The following MTX2 variants were observed in gnomAD, a reference collection of about 807,000 sequenced individuals.
The protein encoded by MTX2 is metaxin-2.
In MTX2, 35 loss-of-function variants were observed where a neutral mutation model predicts 42.3. That is an observed-to-expected ratio of 0.83 (90% CI 0.63 to 1.10). The LOEUF is 1.10. Among genes scored for constraint, MTX2 ranks in the 50% least tolerant of loss-of-function variants. The pLI, the probability that MTX2 is intolerant of heterozygous loss-of-function variation, is 0.00. For synonymous variants in MTX2, 119 were observed against 100.9 expected (o/e 1.18, Z -1.08); for missense variants, 307 against 304.1 (o/e 1.01, Z -0.07).
chr2:176,282,878 AT>A (rs1693115306), intron 1 of MTX2, among the ~76,000 whole-genome samples: 2 of 151,696 alleles, frequency 1.3e-5, no homozygotes, highest in Non-Finnish European at 2.9e-5. Flanking sequence ...TAATTTTTGT[AT>A]TTTTGATAGA....
At chr2:176,326,782 T>C (rs770777267) in intron 4 of MTX2, 43 bp from the exon 5 acceptor site, 1 of 1,199,952 alleles carries the variant, frequency 8.3e-7, no homozygotes, top group Non-Finnish European at 1.2e-6. Flanking sequence ...AACTTTAACA[T>C]ACTGGAAGTA....
chr2:176,284,307 A>G (rs1033590370), intron 1 of MTX2, among the ~76,000 whole-genome samples: 2 of 152,156 alleles, frequency 1.3e-5, no homozygotes, highest in African/African-American at 4.8e-5. Flanking sequence ...CATGACACAT[A>G]CATACTTATT....
intron 1 of MTX2, among the ~76,000 whole-genome samples, chr2:176,284,209 A>AG (rs1398329411): frequency 6.6e-6 from 1 of 151,894 alleles, no homozygotes; most frequent in Non-Finnish European, 1.5e-5. Context: ...CCTCCCAAGT[A>AG]GCTGGGACTA....
intron 3 of MTX2, among the ~76,000 whole-genome samples, chr2:176,310,012 C>A (rs978249947): frequency 6.6e-6 from 1 of 152,146 alleles, no homozygotes; most frequent in African/African-American, 2.4e-5. Flanking sequence ...ATGGTCTTTA[C>A]AGTTTGGCCT....
chr2:176,276,083 GTTACT>G (rs1290068409), intron 1 of MTX2, among the ~76,000 whole-genome samples: 1 of 152,082 alleles, frequency 6.6e-6, no homozygotes, highest in Non-Finnish European at 1.5e-5. Flanking sequence ...ATAATAATGT[GTTACT>G]TTAAAGATAC....
intron 1 of MTX2, among the ~76,000 whole-genome samples, chr2:176,294,855 G>A (rs988678974): frequency 5.3e-5 from 8 of 152,004 alleles, no homozygotes; most frequent in Non-Finnish European, 1.2e-4. Flanking sequence ...GGGGAAAAAC[G>A]GCAATACTTT....
rs372718117 is a variant in MTX2, at chr2:176,335,914, G to C, written c.621-1579G>C. On this transcript the variant is annotated intron_variant, in intron 9 of 9. Transcript: ENST00000249442. ...GAGCTCAGGGGAGACATTAGGACCA[G>C]AGATAAATATTTAGGAGTCAGTGGC... 5.2e-4 allele frequency among the ~76,000 whole-genome samples: 79 copies of C among 152,220 alleles called. 3 individuals carry two copies. In the East Asian group the frequency reaches 9.7e-3, roughly 19 times the overall value.
intron 3 of MTX2, among the ~76,000 whole-genome samples, chr2:176,303,961 A>G (rs1376742102): frequency 6.6e-6 from 1 of 152,046 alleles, no homozygotes; most frequent in Non-Finnish European, 1.5e-5. Flanking sequence ...GCAGGATTTT[A>G]TAGTTTGTTG....
At chr2:176,286,500 GC>G (rs1280076830) in intron 1 of MTX2, among the ~76,000 whole-genome samples, 1 of 151,486 alleles carries the variant, frequency 6.6e-6, no homozygotes, top group Non-Finnish European at 1.5e-5. Flanking sequence ...AGACCCATCT[GC>G]CTTGGGTATT....
intron 3 of MTX2, among the ~76,000 whole-genome samples, chr2:176,322,929 T>TA (rs1684619012): frequency 6.6e-6 from 1 of 151,880 alleles, no homozygotes; most frequent in Non-Finnish European, 1.5e-5. Context: ...TATAGGGTAT[T>TA]ACTGGAGAGA....
In MTX2 at chr2:176,336,811, G is replaced by A. The variant is rs542413666; in HGVS notation, c.621-682G>A. Among the ~76,000 whole-genome samples, 8 of 152,074 alleles carry A rather than the reference G, an allele frequency of 5.3e-5. No individual in the cohort carries two copies. In the East Asian group the frequency reaches 7.7e-4, roughly 15 times the overall value. On this transcript the variant is annotated intron_variant, in intron 9 of 9. Coordinates refer to ENST00000249442, the MANE Select transcript of MTX2 (RefSeq NM_006554.5). ...AGTTGTGGTAGGATTTGTTTCTTAC[G>A]TGGCTTTTTTCTTTTAAGTTGATGA...
chr2:176,283,216 A>G (rs1382084472), intron 1 of MTX2, among the ~76,000 whole-genome samples: 4 of 152,086 alleles, frequency 2.6e-5, no homozygotes, highest in Middle Eastern at 6.3e-3. Flanking sequence ...TTAAATGGTT[A>G]TGTTTACCTT....
intron 3 of MTX2, among the ~76,000 whole-genome samples, chr2:176,306,583 C>G (rs966131566): frequency 1.9e-4 from 29 of 152,272 alleles, no homozygotes; most frequent in Admixed American, 1.9e-3. Flanking sequence ...TTTTTCCTGA[C>G]TTTTTAATGA....
intron 1 of MTX2, among the ~76,000 whole-genome samples, chr2:176,269,922 A>G (rs1397659301): frequency 6.6e-6 from 1 of 151,978 alleles, no homozygotes; most frequent in Non-Finnish European, 1.5e-5. Context: ...CCACCTCCCC[A>G]TTCAGTTGGG....
rs200408701 is a variant in MTX2 at position 176,329,382 on chromosome 2, C to A, written c.499C>A (p.Arg167Ser). 1 of 1,607,472 alleles carries A rather than the reference C, an allele frequency of 6.2e-7. No individual in the cohort carries two copies. ...CTATCAAAAACAGTGGGAAGTCAAA[C>A]GTAAGATGAAAGCTATTGGATGGGG... ...LAYQKQWEVK[R>S]KMKAIGWGKK... Residue 167 changes from arginine (R) to serine (S), a missense_variant, in exon 8 of 10, where the codon CGT (arginine) becomes AGT (serine). Coordinates refer to ENST00000249442, the MANE Select transcript of MTX2 (RefSeq NM_006554.5).
intron 3 of MTX2, among the ~76,000 whole-genome samples, chr2:176,315,366 C>T (rs1170167903): frequency 6.6e-6 from 1 of 152,108 alleles, no homozygotes; most frequent in Non-Finnish European, 1.5e-5. Flanking sequence ...TTTCCTATAT[C>T]CACATCGAGT....
chr2:176,280,075 A>C (rs1009426173), intron 1 of MTX2, among the ~76,000 whole-genome samples: 1 of 152,156 alleles, frequency 6.6e-6, no homozygotes. Context: ...TCTGTGAATA[A>C]TGTAGCAACT....
At chr2:176,319,507 T>C (rs540683929) in intron 3 of MTX2, among the ~76,000 whole-genome samples, 1 of 149,362 alleles carries the variant, frequency 6.7e-6, no homozygotes, top group African/African-American at 2.4e-5. Flanking sequence ...TATCCTACCA[T>C]AGCTTCCTCG....
chr2:176,330,756 A>G (rs1481360416), intron 9 of MTX2, 96 bp downstream of exon 9: 9 of 829,922 alleles, frequency 1.1e-5, no homozygotes, highest in Non-Finnish European at 1.7e-5. Flanking sequence ...GAAAATATTT[A>G]GCTATTTTTA....
Sources: gnomAD v4.1 joint callset for allele counts (sites outside exome capture counted in the v4.1 genomes callset) on GRCh38, gnomAD v4.1.1 for gene constraint, MANE v1.5 for transcripts, NCBI Gene and HGNC (gene_info 2026-07-23, HGNC 2026-07-21) for gene names.